The following PCDHGA12 variants were observed in gnomAD, a reference collection of about 807,000 sequenced individuals.
The protein encoded by PCDHGA12 is protocadherin gamma-A12.
In PCDHGA12, 43 loss-of-function variants were observed where a neutral mutation model predicts 61.1. That is an observed-to-expected ratio of 0.70 (90% CI 0.55 to 0.91). The LOEUF (loss-of-function observed/expected upper bound fraction) is 0.91. PCDHGA12 is among the 40% of genes least tolerant of loss of function. The probability of loss-of-function intolerance (pLI) is 0.00; values close to 1 mark genes in which losing one functional copy is unlikely to be tolerated. For synonymous variants in PCDHGA12, 520 were observed against 542.9 expected, an observed-to-expected ratio of 0.96 and a Z score of 0.59; for missense variants, 1,236 against 1,227.7, an observed-to-expected ratio of 1.01 and a Z score of -0.10.
chr5:141,431,674 G>A lies in PCDHGA12; in HGVS notation c.915G>A (p.Gly305=), dbSNP rs756385496. ...DCNSGTISTI[G]ELDHEESGFY... ...ATTCAGGGACAATATCAACAATAGG[G>A]GAGTTGGACCACGAGGAGTCAGGAT... Residue 305 remains glycine (G), a synonymous_variant, in exon 1 of 4, where the codon GGG becomes GGA. Transcript: ENST00000252085. The surrounding 1 kb of genome is among the most constrained non-coding windows in gnomAD (Gnocchi z 4.8). 4 of 1,614,234 alleles carry A rather than the reference G, an allele frequency of 2.5e-6. No individual in the cohort carries two copies. The Admixed American group carries it at 6.7e-5, about 27-fold the overall frequency.
rs146358809 is a variant in PCDHGA12, at chr5:141,480,913, C to T, written c.2425-13894C>T. 4.1e-3 allele frequency among the ~76,000 whole-genome samples: 617 copies of T among 152,096 alleles called. 6 individuals are homozygous for T. Among genetic ancestry groups the T allele is most frequent in the Admixed American group, 0.011 (171 of 15,272 alleles). ...TGCAAACATTAGCTGGGCATGGTGG[C>T]GCATACCTGTAGTCCCAGCTACTCT... On this transcript the variant is annotated intron_variant, in intron 1 of 3. Transcript: ENST00000252085.
In PCDHGA12 at chr5:141,441,877, C is replaced by T. The variant is rs945298341; in HGVS notation, c.2424+8694C>T. ...GCTGCACGCCGCGGAGCCTGGCTACCTGGTCACCAAGGTGGTGGCTGTAGA... is the reference window on the plus strand; with the variant it reads ...GCTGCACGCCGCGGAGCCTGGCTACTTGGTCACCAAGGTGGTGGCTGTAGA... On this transcript the variant is annotated intron_variant, in intron 1 of 3. Transcript: ENST00000252085. 4 of 343,582 alleles carry T rather than the reference C, an allele frequency of 1.2e-5. No homozygotes were observed. In the Admixed American group the frequency reaches 1.6e-4, roughly 13 times the overall value. 21.3% of individuals were successfully genotyped at this position (343,582 alleles called of 1,614,324 possible).
intron 1 of PCDHGA12, among the ~76,000 whole-genome samples, chr5:141,475,520 C>T (rs2099364531): frequency 6.6e-6 from 1 of 152,204 alleles, no homozygotes; most frequent in Non-Finnish European, 1.5e-5. Context: ...CACGGAAATG[C>T]TAAATGCCTC....
At chr5:141,472,980 C>CAAAAAAAAAA (rs60579131) in intron 1 of PCDHGA12, among the ~76,000 whole-genome samples, 34 of 85,838 alleles carry the variant, frequency 4.0e-4, no homozygotes, top group South Asian at 1.3e-3. Context: ...GAGTGAAACT[C>CAAAAAAAAAA]AAAAAAAAAA....
chr5:141,500,277 C>T (rs1595660442), intron 2 of PCDHGA12, among the ~76,000 whole-genome samples: 1 of 151,718 alleles, frequency 6.6e-6, no homozygotes, highest in Non-Finnish European at 1.5e-5. Context: ...GGCGCAATCT[C>T]GGCTCACTGC....
chr5:141,487,919 A>G lies in PCDHGA12; in HGVS notation c.2425-6888A>G, dbSNP rs548678238. ...ATGGAATGTGGGAGCACAGGAGGCTACAGTGCACAGGGTACAGTGCACCAG... is the reference window on the plus strand; with the variant it reads ...ATGGAATGTGGGAGCACAGGAGGCTGCAGTGCACAGGGTACAGTGCACCAG... On this transcript the variant is annotated intron_variant, in intron 1 of 3. Transcript: ENST00000252085. The surrounding 1 kb of genome is among the most constrained non-coding windows in gnomAD (Gnocchi z 5.0). 23 of 644,878 alleles carry G rather than the reference A, an allele frequency of 3.6e-5. No individual in the cohort carries two copies. Among genetic ancestry groups the G allele is most frequent in the Non-Finnish European group, 5.6e-5 (21 of 374,374 alleles). 39.9% of individuals were successfully genotyped at this position (644,878 alleles called of 1,614,324 possible). A position where few individuals can be genotyped will look rare whatever the true frequency, so the allele number is the denominator to read the frequency against.
chr5:141,461,560 T>G (rs1355320881), intron 1 of PCDHGA12, among the ~76,000 whole-genome samples: 1 of 152,234 alleles, frequency 6.6e-6, no homozygotes, highest in African/African-American at 2.4e-5. Context: ...ATGTGTACTT[T>G]GCAAAGATAA....
In PCDHGA12 at chr5:141,486,217, T is replaced by C; in HGVS notation, c.2425-8590T>C. ...TGCTGGACGTAAATGACAATGCCCC[T>C]TACATCACAGTGACCTCAGAGCTTG... On this transcript the variant is annotated intron_variant, in intron 1 of 3. Coordinates refer to ENST00000252085, the MANE Select transcript of PCDHGA12 (RefSeq NM_003735.3). The surrounding 1 kb of genome is among the most constrained non-coding windows in gnomAD (Gnocchi z 5.0). The C allele has an allele frequency of 6.2e-7, 1 of 1,614,120 alleles. No homozygotes were observed.
At chr5:141,510,272 T>TAAAA (rs546154379) in intron 3 of PCDHGA12, among the ~76,000 whole-genome samples, 4 of 130,388 alleles carry the variant, frequency 3.1e-5, no homozygotes, top group Non-Finnish European at 4.9e-5. Context: ...GACTCCATCT[T>TAAAA]AAAAAAAAAA....
Position 141,489,629 on chromosome 5 carries a change from C to G in PCDHGA12, c.2425-5178C>G. 6.2e-7 allele frequency: 1 copy of G among 1,614,142 alleles called. No individual in the cohort carries two copies. The highest frequency in any genetic ancestry group is 8.5e-7 in the Non-Finnish European group (1 of 1,180,014). On this transcript the variant is annotated intron_variant, in intron 1 of 3. Coordinates refer to ENST00000252085, the MANE Select transcript of PCDHGA12 (RefSeq NM_003735.3). The surrounding 1 kb of genome is among the most constrained non-coding windows in gnomAD (Gnocchi z 4.5). Reference sequence around the variant, plus strand: ...GAGATCCTGGATCTCAATGACAACTCTCCTAGCTTTGCCACCCCTGAGCGA... The same window carrying G: ...GAGATCCTGGATCTCAATGACAACTGTCCTAGCTTTGCCACCCCTGAGCGA...
At chr5:141,464,422 TATAG>T (rs2099083887) in intron 1 of PCDHGA12, among the ~76,000 whole-genome samples, 1 of 151,672 alleles carries the variant, frequency 6.6e-6, no homozygotes, top group African/African-American at 2.4e-5. Context: ...TATCTATATA[TATAG>T]ATATATATGT....
rs756915110 is a variant in PCDHGA12, at chr5:141,490,431, T to C, written c.2425-4376T>C. 6 of 1,614,036 alleles carry C rather than the reference T, an allele frequency of 3.7e-6. No individual in the cohort carries two copies. In the South Asian group the frequency reaches 6.6e-5, roughly 18 times the overall value. ...TCTCTCCGGACCTGCCATTTCAGATTAAGCCTTCTGAGAACCACTACTCGC... is the reference window on the plus strand; with the variant it reads ...TCTCTCCGGACCTGCCATTTCAGATCAAGCCTTCTGAGAACCACTACTCGC... On this transcript the variant is annotated intron_variant, in intron 1 of 3. Transcript: ENST00000252085. The surrounding 1 kb of genome is among the most constrained non-coding windows in gnomAD (Gnocchi z 5.4).
At chr5:141,455,661 T>TG (rs2098828692) in intron 1 of PCDHGA12, among the ~76,000 whole-genome samples, 1 of 152,024 alleles carries the variant, frequency 6.6e-6, no homozygotes, top group South Asian at 2.1e-4. Context: ...CAGGAACTTG[T>TG]GGGGCAAGGG....
rs139153105 is a variant in PCDHGA12 at position 141,432,400 on chromosome 5, G to T, written c.1641G>T (p.Ser547=). 3.1e-6 allele frequency: 5 copies of T among 1,614,122 alleles called. No homozygotes were observed. In the African/African-American group the frequency reaches 4.0e-5, roughly 13 times the overall value. ...ACCCGCCCCTCAGCAGCAACGTGTC[G>T]TTGAGCCTGTTCGTGCTGGACCAGA... The part of the protein sequence containing the change: ...NGHPPLSSNV[S]LSLFVLDQND... The change falls in exon 1 of 4, where the codon TCG becomes TCT. Residue 547 remains serine (S), a synonymous_variant. Transcript: ENST00000252085. The surrounding 1 kb of genome is among the most constrained non-coding windows in gnomAD (Gnocchi z 6.0).
chr5:141,441,343 C>T (rs2098240806), intron 1 of PCDHGA12: 1 of 152,368 alleles, frequency 6.6e-6, no homozygotes, highest in African/African-American at 2.4e-5. Flanking sequence ...TAATTAACTA[C>T]ATGCTTGTAA....
intron 1 of PCDHGA12, among the ~76,000 whole-genome samples, chr5:141,456,940 G>A (rs1284610928): frequency 6.6e-6 from 1 of 152,138 alleles, no homozygotes; most frequent in Non-Finnish European, 1.5e-5. Context: ...TCCAGCCTGG[G>A]CAACAGAGCA....
intron 1 of PCDHGA12, among the ~76,000 whole-genome samples, chr5:141,459,692 G>A (rs891511502): frequency 2.6e-5 from 4 of 152,134 alleles, no homozygotes; most frequent in African/African-American, 9.7e-5. Flanking sequence ...AAAGCGTTCC[G>A]CTTGCTACAT....
chr5:141,451,256 A>T (rs376288655), intron 1 of PCDHGA12, among the ~76,000 whole-genome samples: 1 of 152,212 alleles, frequency 6.6e-6, no homozygotes, highest in African/African-American at 2.4e-5. Context: ...GTGGATCAGG[A>T]CTGGGTATAG....
chr5:141,483,009 C>T (rs538900128), intron 1 of PCDHGA12, among the ~76,000 whole-genome samples: 4 of 151,942 alleles, frequency 2.6e-5, no homozygotes, highest in Non-Finnish European at 5.9e-5. Flanking sequence ...TGCTTGAACC[C>T]GGGAGGCAGA....
Sources: allele counts gnomAD v4.1 joint callset (sites outside exome capture counted in the v4.1 genomes callset), GRCh38; gene constraint gnomAD v4.1.1; non-coding constraint Gnocchi (gnomAD v3.1); transcripts MANE v1.5; gene names NCBI Gene and HGNC (gene_info 2026-07-23, HGNC 2026-07-21).